CYTH3: variants seen among roughly 807,000 people sequenced by gnomAD.
CYTH3 encodes the protein cytohesin-3.
A neutral mutation model predicts 55.1 loss-of-function variants in CYTH3; 23 were observed. The ratio of observed to expected loss-of-function variants is 0.42; its 90% CI spans 0.30 to 0.59. The LOEUF is 0.59. CYTH3 is among the 20% of genes least tolerant of loss of function. The probability of loss-of-function intolerance (pLI) is 0.20; values close to 1 mark genes in which losing one functional copy is unlikely to be tolerated. For synonymous variants in CYTH3, 249 were observed against 194.9 expected (o/e 1.28, Z -2.31); for missense variants, 413 against 524.8 (o/e 0.79, Z 2.08).
At chr7:6,231,175 G>C (rs1035996546) in intron 1 of CYTH3, among the ~76,000 whole-genome samples, 1 of 152,250 alleles carries the variant, frequency 6.6e-6, no homozygotes, top group African/African-American at 2.4e-5. Context: ...CGGGCAGAGG[G>C]CTTCTGCCCT....
At position 6,165,824 on chromosome 7, in the gene CYTH3, G is replaced by C. The variant is rs754718759; in HGVS notation, c.824-14C>G. 7.5e-5 allele frequency: 121 copies of C among 1,613,840 alleles called. No individual in the cohort carries two copies. Among genetic ancestry groups the C allele is most frequent in the Non-Finnish European group, 1.0e-4 (121 of 1,179,926 alleles). On this transcript the variant is annotated splice_polypyrimidine_tract_variant and intron_variant, in intron 9 of 12. Coordinates refer to ENST00000350796, the MANE Select transcript of CYTH3 (RefSeq NM_004227.4). ...TCACACGCCCTCCTAGAAGCAGAAG[G>C]GCCCCGTGAGTCTGCGCTCCGTGCA...
chr7:6,177,814 C>G lies in CYTH3; in HGVS notation c.368+9G>C, dbSNP rs1212574838. The G allele has an allele frequency of 1.9e-6, 3 of 1,607,374 alleles. No homozygotes were observed. Among genetic ancestry groups the G allele is most frequent in the Admixed American group, 3.3e-5 (2 of 60,024 alleles). On this transcript the variant is annotated intron_variant, in intron 5 of 12. Coordinates refer to ENST00000350796, the MANE Select transcript of CYTH3 (RefSeq NM_004227.4). ...CCCAGGTAGGGCTTTGCATCCTCCTCTAACTCACCTTTCACCCAGGTAGTC... is the reference window on the plus strand; with the variant it reads ...CCCAGGTAGGGCTTTGCATCCTCCTGTAACTCACCTTTCACCCAGGTAGTC...
intron 1 of CYTH3, among the ~76,000 whole-genome samples, chr7:6,259,968 T>C (rs1207799002): frequency 3.4e-5 from 5 of 147,248 alleles, no homozygotes; most frequent in Non-Finnish European, 7.4e-5. Flanking sequence ...GTAGCTGGGA[T>C]TGCAGGCATG....
At chr7:6,207,086 C>CAT (rs1784207416) in intron 1 of CYTH3, among the ~76,000 whole-genome samples, 1 of 104,052 alleles carries the variant, frequency 9.6e-6, no homozygotes, top group Non-Finnish European at 1.8e-5. Flanking sequence ...AAATGTGCAA[C>CAT]TTTTTTTTTT....
intron 1 of CYTH3, among the ~76,000 whole-genome samples, chr7:6,215,727 G>C (rs1433340715): frequency 6.6e-6 from 1 of 152,042 alleles, no homozygotes; most frequent in Admixed American, 6.6e-5. Context: ...ACTTGAAACA[G>C]GATAAACCCA....
chr7:6,209,333 C>T (rs1434014128), intron 1 of CYTH3, among the ~76,000 whole-genome samples: 2 of 152,180 alleles, frequency 1.3e-5, no homozygotes, highest in Non-Finnish European at 2.9e-5. Context: ...ATTGTAAGAT[C>T]TTGAACGATG....
At chr7:6,166,228 G>A (rs918189887) in intron 9 of CYTH3, among the ~76,000 whole-genome samples, 1 of 152,174 alleles carries the variant, frequency 6.6e-6, no homozygotes, top group African/African-American at 2.4e-5. Flanking sequence ...AGTCACCCCT[G>A]GGCCCAAGGA....
intron 1 of CYTH3, among the ~76,000 whole-genome samples, chr7:6,266,170 C>T (rs1370173611): frequency 6.6e-6 from 1 of 152,108 alleles, no homozygotes; most frequent in Non-Finnish European, 1.5e-5. Context: ...CCTCCCTTCT[C>T]CTCCAAACCA....
At chr7:6,219,208 C>T (rs1784492506) in intron 1 of CYTH3, among the ~76,000 whole-genome samples, 1 of 152,082 alleles carries the variant, frequency 6.6e-6, no homozygotes, top group Non-Finnish European at 1.5e-5. Context: ...TAGCAGAAAA[C>T]ATAGCTGAAT....
chr7:6,190,368 TTGTGAGGC>T, intron 2 of CYTH3, 73 bp downstream of exon 2: 1 of 1,026,364 alleles, frequency 9.7e-7, no homozygotes, highest in Non-Finnish European at 1.3e-6. Context: ...TTTTACATTT[TTGTGAGGC>T]TACTCTTTTA....
At chr7:6,192,556 A>G (rs959004737) in intron 1 of CYTH3, among the ~76,000 whole-genome samples, 34 of 123,430 alleles carry the variant, frequency 2.8e-4, no homozygotes, top group Admixed American at 2.7e-3. Context: ...TTTTTGAGAC[A>G]GAGTCTCGCT....
intron 1 of CYTH3, among the ~76,000 whole-genome samples, chr7:6,241,451 T>C (rs1013952206): frequency 3.9e-5 from 6 of 152,208 alleles, no homozygotes; most frequent in Non-Finnish European, 2.9e-5. Flanking sequence ...AACCAGGCAA[T>C]CTCACACATT....
chr7:6,193,377 C>CAA (rs759990952), intron 1 of CYTH3, among the ~76,000 whole-genome samples: 2,035 of 63,134 alleles, frequency 0.032, 62 homozygotes, highest in African/African-American at 0.1. Context: ...ACTCCCGTCT[C>CAA]AAAAAAAAAA....
chr7:6,238,899 TC>T (rs1226330022), intron 1 of CYTH3, among the ~76,000 whole-genome samples: 4 of 149,274 alleles, frequency 2.7e-5, no homozygotes. Flanking sequence ...AAATCAGAAC[TC>T]CAGGTTAAAA....
intron 1 of CYTH3, among the ~76,000 whole-genome samples, chr7:6,238,147 C>T (rs1445826908): frequency 1.3e-5 from 2 of 152,214 alleles, no homozygotes; most frequent in African/African-American, 2.4e-5. Flanking sequence ...ACAGAACTTA[C>T]TCCAACCAGA....
intron 1 of CYTH3, among the ~76,000 whole-genome samples, chr7:6,210,140 A>G (rs1484585952): frequency 6.6e-6 from 1 of 152,194 alleles, no homozygotes; most frequent in Non-Finnish European, 1.5e-5. Context: ...TGGTTTATCC[A>G]TTGTAAGAAA....
Position 6,187,736 on chromosome 7 carries a change from G to A in CYTH3, c.118-15C>T, listed in dbSNP as rs369285609. The A allele has an allele frequency of 1.3e-5, 21 of 1,612,968 alleles. No homozygotes were observed. The Middle Eastern group carries it at 4.9e-4, about 38-fold the overall frequency. Reference sequence around the variant, plus strand: ...TATTTCAGCCTCTGTCAAAAAAGAAGAATTTCGAGGTGGGGAGTGGGTCTT... The same window carrying A: ...TATTTCAGCCTCTGTCAAAAAAGAAAAATTTCGAGGTGGGGAGTGGGTCTT... On this transcript the variant is annotated splice_polypyrimidine_tract_variant and intron_variant, in intron 2 of 12. Coordinates refer to ENST00000350796, the MANE Select transcript of CYTH3 (RefSeq NM_004227.4).
intron 1 of CYTH3, among the ~76,000 whole-genome samples, chr7:6,269,056 T>A (rs1780583040): frequency 6.6e-6 from 1 of 151,998 alleles, no homozygotes; most frequent in South Asian, 2.1e-4. Flanking sequence ...CTAAGGGAAA[T>A]AACCTGTTTT....
chr7:6,203,409 C>T (rs1165049599), intron 1 of CYTH3, among the ~76,000 whole-genome samples: 1 of 151,760 alleles, frequency 6.6e-6, no homozygotes, highest in Non-Finnish European at 1.5e-5. Context: ...ACGTTTCATG[C>T]AAAAAAACAA....
Sources: gnomAD v4.1 joint callset for allele counts (sites outside exome capture counted in the v4.1 genomes callset) on GRCh38, gnomAD v4.1.1 for gene constraint, MANE v1.5 for transcripts, NCBI Gene and HGNC (gene_info 2026-07-23, HGNC 2026-07-21) for gene names.